The following WDR62 variants were observed in gnomAD, a reference collection of about 807,000 sequenced individuals.
WDR62 encodes WD repeat-containing protein 62.
Under a neutral mutation model 160.6 loss-of-function variants are expected in WDR62, and 112 were observed. That is an observed-to-expected ratio of 0.70 (90% CI 0.60 to 0.82). The LOEUF (loss-of-function observed/expected upper bound fraction) is 0.82. Ranked by LOEUF, WDR62 falls within the 40% of genes least tolerant of loss-of-function variation. The probability of loss-of-function intolerance (pLI) is 0.00; values close to 1 mark genes in which losing one functional copy is unlikely to be tolerated. For synonymous variants in WDR62, 792 were observed against 815.1 expected, an observed-to-expected ratio of 0.97 and a Z score of 0.48; for missense variants, 1,819 against 1,983.8, an observed-to-expected ratio of 0.92 and a Z score of 1.58.
At chr19:36,058,669 A>C (rs1447830822) in intron 1 of WDR62, 111 bp from the exon 2 acceptor site, 9 of 789,476 alleles carry the variant, frequency 1.1e-5, no homozygotes, top group African/African-American at 3.4e-5. Context: ...GTGGCCACAG[A>C]AGCTCAGTGT....
intron 3 of WDR62, among the ~76,000 whole-genome samples, chr19:36,065,719 C>T (rs1264594029): frequency 6.6e-6 from 1 of 152,218 alleles, no homozygotes; most frequent in East Asian, 1.9e-4. Context: ...AGTGTCTACT[C>T]CATTTGGGTT....
At chr19:36,060,249 G>A in intron 3 of WDR62, 2 of 597,582 alleles carry the variant, frequency 3.3e-6, no homozygotes, top group African/African-American at 1.8e-5. Flanking sequence ...GAGACAGACT[G>A]TAAACTAGTC....
downstream of WDR62, among the ~76,000 whole-genome samples, chr19:36,107,002 C>G (rs866072823): frequency 6.6e-6 from 1 of 152,132 alleles, no homozygotes; most frequent in Non-Finnish European, 1.5e-5. Flanking sequence ...GTTCAGCCCC[C>G]CAGGCCTCGG....
chr19:36,096,604 G>C (rs1332064206), intron 20 of WDR62, among the ~76,000 whole-genome samples: 8 of 151,888 alleles, frequency 5.3e-5, no homozygotes, highest in Non-Finnish European at 5.9e-5. Context: ...CCAGCTACTT[G>C]GGAGGCTGAG....
downstream of WDR62, among the ~76,000 whole-genome samples, chr19:36,108,227 A>C (rs915130332): frequency 6.6e-6 from 1 of 152,276 alleles, no homozygotes; most frequent in Non-Finnish European, 1.5e-5. Context: ...TGGAAGCCAG[A>C]GTGCATAGAA....
chr19:36,091,120 AC>A lies in WDR62; in HGVS notation c.2035-79del, dbSNP rs1972575648. The A allele has an allele frequency of 2.4e-6, 3 of 1,237,624 alleles. No individual in the cohort carries two copies. The South Asian group carries it at 3.7e-5, about 15-fold the overall frequency. The allele number at this position is 1,237,624 out of a possible 1,614,324, so 76.7% of individuals were successfully genotyped here. On this transcript the variant is annotated intron_variant, in intron 16 of 31. Transcript: ENST00000401500. The stretch of plus-strand genomic sequence containing the variant: ...GAGTCCCATGTGCTGTGCATGCAGC[AC>A]GGGGGAGGGAGGGGCCCAGGCCTCA...
chr19:36,097,196 C>G, intron 21 of WDR62, 117 bp downstream of exon 21: 1 of 991,262 alleles, frequency 1.0e-6, no homozygotes, highest in East Asian at 2.6e-5. Context: ...GAAGCCCTGT[C>G]ATCCTTCCAG....
intron 4 of WDR62, 65 bp downstream of exon 4, chr19:36,066,080 C>T: frequency 6.3e-7 from 1 of 1,597,382 alleles, no homozygotes; most frequent in East Asian, 2.2e-5. Context: ...ATTCCTTCTG[C>T]TCCCGGCAGG....
chr19:36,101,800 G>A, intron 25 of WDR62, 26 bp downstream of exon 25: 1 of 1,540,040 alleles, frequency 6.5e-7, no homozygotes. Context: ...ACACGCAGGG[G>A]ACTCGCTGCT....
chr19:36,094,232 C>T, intron 20 of WDR62, 68 bp downstream of exon 20: 1 of 1,598,214 alleles, frequency 6.3e-7, no homozygotes, highest in Non-Finnish European at 8.6e-7. Context: ...TGCCCATGAC[C>T]TTGTTTACAG....
chr19:36,064,473 G>A (rs187432202), intron 3 of WDR62, among the ~76,000 whole-genome samples: 108 of 152,232 alleles, frequency 7.1e-4, no homozygotes, highest in Non-Finnish European at 1.2e-3. Flanking sequence ...TATAGACAGG[G>A]TTTCACCGTG....
Position 36,102,180 on chromosome 19 carries a change from G to A in WDR62, c.3220+29G>A, listed in dbSNP as rs372915922. The A allele has an allele frequency of 3.0e-4, 490 of 1,613,758 alleles. 1 individual carries two copies. Among genetic ancestry groups the A allele is most frequent in the African/African-American group, 5.1e-4 (38 of 75,032 alleles). ...GGGCCCTGCCTCACCCACACCTGCC[G>A]AGGCCGTCTGTGCAGCCTGGGCACA... On this transcript the variant is annotated intron_variant, in intron 26 of 31. Coordinates refer to ENST00000401500, the MANE Select transcript of WDR62 (RefSeq NM_001083961.2).
At chr19:36,098,132 G>T (rs1163126303) in intron 21 of WDR62, among the ~76,000 whole-genome samples, 1 of 152,166 alleles carries the variant, frequency 6.6e-6, no homozygotes, top group African/African-American at 2.4e-5. Context: ...AGCCAGGCAT[G>T]GTGGTGCACA....
chr19:36,084,249 T>G (rs1972071205), intron 11 of WDR62, among the ~76,000 whole-genome samples: 1 of 152,132 alleles, frequency 6.6e-6, no homozygotes, highest in African/African-American at 2.4e-5. Context: ...TGAGACTCTT[T>G]TAACAATGAG....
At chr19:36,059,776 T>A (rs1305329101) in intron 2 of WDR62, among the ~76,000 whole-genome samples, 192 bp from the exon 3 acceptor site, 1 of 152,196 alleles carries the variant, frequency 6.6e-6, no homozygotes, top group Non-Finnish European at 1.5e-5. Flanking sequence ...AGTGTTGGTT[T>A]CTATTTAAGA....
chr19:36,067,252 A>C, intron 5 of WDR62, 54 bp from the exon 6 acceptor site: 1 of 1,613,158 alleles, frequency 6.2e-7, no homozygotes, highest in Non-Finnish European at 8.5e-7. Flanking sequence ...CAAAGGCACA[A>C]ACAGTCCAGT....
chr19:36,097,067 G>GGC lies in WDR62; in HGVS notation c.2509_2510dup (p.Lys838GlnfsTer5), dbSNP rs760598530. On this transcript the variant is annotated frameshift_variant, in exon 21 of 32. Coordinates refer to ENST00000401500, the MANE Select transcript of WDR62 (RefSeq NM_001083961.2). LOFTEE classifies it high-confidence loss of function. ...TAACCAACGGCAAGCTGCCACTGTGGGCAAAGCGGCTGGTAAGTCTTCAGG... is the reference window on the plus strand; with the variant it reads ...TAACCAACGGCAAGCTGCCACTGTGGGCGCAAAGCGGCTGGTAAGTCTTCAGG... 6.2e-7 allele frequency: 1 copy of GGC among 1,613,890 alleles called. No individual in the cohort carries two copies. Among genetic ancestry groups the GGC allele is most frequent in the Non-Finnish European group, 8.5e-7 (1 of 1,179,900 alleles).
intron 25 of WDR62, 119 bp from the exon 26 acceptor site, chr19:36,101,895 C>T: frequency 6.4e-7 from 1 of 1,555,098 alleles, no homozygotes; most frequent in Non-Finnish European, 8.8e-7. Flanking sequence ...GGGATCCCTG[C>T]TTCTCAGCCT....
chr19:36,073,235 T>A, intron 8 of WDR62, 107 bp from the exon 9 acceptor site: 2 of 1,054,962 alleles, frequency 1.9e-6, no homozygotes, highest in Non-Finnish European at 1.5e-6. Context: ...TGGCCACAAA[T>A]ACCATGAGGG....
Sources: allele counts gnomAD v4.1 joint callset (sites outside exome capture counted in the v4.1 genomes callset), GRCh38; gene constraint gnomAD v4.1.1; transcripts MANE v1.5; gene names NCBI Gene and HGNC (gene_info 2026-07-23, HGNC 2026-07-21).